PELI2: variants seen among roughly 807,000 people sequenced by gnomAD.
PELI2 encodes the protein E3 ubiquitin-protein ligase pellino homolog 2.
Under a neutral mutation model 42.3 loss-of-function variants are expected in PELI2, and 23 were observed. The observed-to-expected ratio is 0.54, with a 90% CI of 0.39 to 0.77. The LOEUF (loss-of-function observed/expected upper bound fraction) is 0.77, where lower values mean the gene tolerates loss of function less well. Ranked by LOEUF, PELI2 falls within the 30% of genes least tolerant of loss-of-function variation. PELI2 has a pLI of 0.00. For synonymous variants in PELI2, 245 were observed against 212.2 expected (o/e 1.15, Z -1.34); for missense variants, 463 against 553.2 (o/e 0.84, Z 1.64).
intron 2 of PELI2, among the ~76,000 whole-genome samples, chr14:56,213,320 T>G (rs1566640901): frequency 1.3e-5 from 2 of 152,296 alleles, no homozygotes; most frequent in East Asian, 1.9e-4. Flanking sequence ...GCCTCTTACT[T>G]TTTGGGCCCA....
At chr14:56,195,420 G>T (rs1396121109) in intron 2 of PELI2, among the ~76,000 whole-genome samples, 1 of 152,206 alleles carries the variant, frequency 6.6e-6, no homozygotes, top group Non-Finnish European at 1.5e-5. Context: ...GCAGCCCTGG[G>T]TGGTCCTACC....
chr14:56,195,401 T>G (rs903225602), intron 2 of PELI2, among the ~76,000 whole-genome samples: 2 of 150,754 alleles, frequency 1.3e-5, no homozygotes, highest in Non-Finnish European at 3.0e-5. Context: ...GAGCTTCCCC[T>G]TCCTGTGAGC....
In PELI2 at chr14:56,279,659, T is replaced by G. The variant is rs571120812; in HGVS notation, c.208-17T>G. On this transcript the variant is annotated splice_polypyrimidine_tract_variant and intron_variant, in intron 2 of 5. Coordinates refer to ENST00000267460, the MANE Select transcript of PELI2 (RefSeq NM_021255.3). ...GAAATGGAATTGTAATGGATTTTTT[T>G]AAAATTTTATTATTAGGCTATCAGC... is the stretch of plus-strand genomic sequence containing the variant. 1 of 1,434,348 alleles carries G rather than the reference T, an allele frequency of 7.0e-7. No homozygotes were observed. The highest frequency in any genetic ancestry group is 9.7e-7 in the Non-Finnish European group (1 of 1,029,722). 88.9% of individuals were successfully genotyped at this position (1,434,348 alleles called of 1,614,324 possible).
At chr14:56,156,403 G>A (rs7153877) in intron 1 of PELI2, among the ~76,000 whole-genome samples, 61,602 of 151,948 alleles carry the variant, frequency 0.41, 13,121 homozygotes, top group South Asian at 0.52. Context: ...CAGAGAGAGA[G>A]AGAGAGTTTG....
intron 2 of PELI2, among the ~76,000 whole-genome samples, chr14:56,218,740 A>T (rs1887007367): frequency 6.6e-6 from 1 of 151,172 alleles, no homozygotes; most frequent in Non-Finnish European, 1.5e-5. Flanking sequence ...AGAGAGAGAG[A>T]GGTTGGTGGG....
intron 2 of PELI2, among the ~76,000 whole-genome samples, chr14:56,252,289 C>A (rs1341801029): frequency 6.6e-6 from 1 of 152,150 alleles, no homozygotes; most frequent in African/African-American, 2.4e-5. Flanking sequence ...AGTAATATTT[C>A]CCAAAGCAGA....
At chr14:56,166,965 T>C (rs958590370) in intron 1 of PELI2, among the ~76,000 whole-genome samples, 1 of 152,010 alleles carries the variant, frequency 6.6e-6, no homozygotes, top group Non-Finnish European at 1.5e-5. Context: ...TTTTTGTGTG[T>C]TTTTTAGTAG....
At chr14:56,146,684 G>A (rs957290878) in intron 1 of PELI2, among the ~76,000 whole-genome samples, 2 of 152,156 alleles carry the variant, frequency 1.3e-5, no homozygotes, top group Non-Finnish European at 2.9e-5. Flanking sequence ...TTGTGAAGTT[G>A]AAAGTAACAT....
intron 2 of PELI2, among the ~76,000 whole-genome samples, chr14:56,241,373 C>T (rs1720662107): frequency 6.6e-6 from 1 of 152,118 alleles, no homozygotes; most frequent in Non-Finnish European, 1.5e-5. Flanking sequence ...TGACACCCAA[C>T]TAATGTGAGT....
At chr14:56,188,207 T>C (rs1885837023) in intron 2 of PELI2, among the ~76,000 whole-genome samples, 3 of 152,228 alleles carry the variant, frequency 2.0e-5, no homozygotes, top group Admixed American at 2.0e-4. Context: ...TGAAGGCAGA[T>C]ACTATCTTTC....
At chr14:56,135,593 A>G (rs762367333) in intron 1 of PELI2, among the ~76,000 whole-genome samples, 1 of 152,232 alleles carries the variant, frequency 6.6e-6, no homozygotes, top group Non-Finnish European at 1.5e-5. Context: ...GCTTTCTGTT[A>G]CAAATGTATC....
chr14:56,134,186 T>C (rs1883600812), intron 1 of PELI2, among the ~76,000 whole-genome samples: 1 of 152,188 alleles, frequency 6.6e-6, no homozygotes, highest in African/African-American at 2.4e-5. Context: ...CTTTTAAACT[T>C]TAAGAAAGAG....
At chr14:56,218,079 T>G (rs1337515652) in intron 2 of PELI2, among the ~76,000 whole-genome samples, 11 of 152,230 alleles carry the variant, frequency 7.2e-5, no homozygotes, top group Admixed American at 6.5e-5. Flanking sequence ...CTCAACATCA[T>G]GTAGCTAATA....
intron 1 of PELI2, among the ~76,000 whole-genome samples, chr14:56,151,488 ATTG>A (rs1186457162): frequency 6.6e-6 from 1 of 152,164 alleles, no homozygotes; most frequent in African/African-American, 2.4e-5. Flanking sequence ...TCTTCAATGC[ATTG>A]TGTGACCTTA....
intron 5 of PELI2, among the ~76,000 whole-genome samples, chr14:56,291,526 G>A (rs1889830309): frequency 1.3e-5 from 2 of 152,088 alleles, no homozygotes; most frequent in South Asian, 2.1e-4. Flanking sequence ...TAAAAAAAAA[G>A]CAAATTCAAT....
intron 2 of PELI2, among the ~76,000 whole-genome samples, chr14:56,220,381 T>G (rs1408413927): frequency 6.6e-6 from 1 of 152,222 alleles, no homozygotes; most frequent in Non-Finnish European, 1.5e-5. Flanking sequence ...AGGAAAATGA[T>G]AGTTTTGAAA....
intron 3 of PELI2, among the ~76,000 whole-genome samples, chr14:56,283,813 T>C (rs1566683414): frequency 6.6e-6 from 1 of 152,190 alleles, no homozygotes; most frequent in Non-Finnish European, 1.5e-5. Context: ...CACATTACAT[T>C]CACAGACTCA....
Position 56,185,537 on chromosome 14 carries a change from T to G in PELI2, c.207+7073T>G, listed in dbSNP as rs185977640. 7.7e-4 allele frequency among the ~76,000 whole-genome samples: 117 copies of G among 152,350 alleles called. 1 individual carries two copies. The highest frequency in any genetic ancestry group is 1.3e-3 in the Non-Finnish European group (91 of 68,022). ...GCATACCTACTTATCATCATTTCAT[T>G]ATACAGATTTGTGTAAGAGTGTTTA... is the stretch of plus-strand genomic sequence containing the variant. On this transcript the variant is annotated intron_variant, in intron 2 of 5. Coordinates refer to ENST00000267460, the MANE Select transcript of PELI2 (RefSeq NM_021255.3).
Position 56,298,673 on chromosome 14 carries a change from G to C in PELI2, c.*1507G>C, listed in dbSNP as rs148394731. ...CTGGCAAATATTTTGCCTATTTTCA[G>C]TCGTTCTAACCTATTTGAATACGCT... is the stretch of plus-strand genomic sequence containing the variant. On this transcript the variant is annotated 3_prime_UTR_variant, in exon 6 of 6. Transcript: ENST00000267460. 1 of 152,514 alleles carries C rather than the reference G, an allele frequency of 6.6e-6. No homozygotes were observed. The highest frequency in any genetic ancestry group is 6.5e-5 in the Admixed American group (1 of 15,278). 9.4% of individuals were successfully genotyped at this position (152,514 alleles called of 1,614,324 possible).
Sources: allele counts gnomAD v4.1 joint callset (sites outside exome capture counted in the v4.1 genomes callset), GRCh38; gene constraint gnomAD v4.1.1; transcripts MANE v1.5; gene names NCBI Gene and HGNC (gene_info 2026-07-23, HGNC 2026-07-21).